Variants in TET2 observed in about 807,000 individuals in gnomAD.
TET2 encodes the protein tet methylcytosine dioxygenase 2.
In TET2, 299 loss-of-function variants were observed where a neutral mutation model predicts 142.9. The ratio of observed to expected loss-of-function variants is 2.09; its 90% CI spans 1.90 to 2.30. The LOEUF (loss-of-function observed/expected upper bound fraction) is 2.30. TET2 is among the 30% of genes most tolerant of loss of function. The probability of loss-of-function intolerance (pLI) is 0.00; values close to 1 mark genes in which losing one functional copy is unlikely to be tolerated. For missense variants in TET2, 2,418 were observed against 2,378.0 expected (o/e 1.02, Z -0.35); for synonymous variants, 819 against 849.0 (o/e 0.96, Z 0.61).
At chr4:105,248,291 C>G (rs1183137146) in intron 6 of TET2, among the ~76,000 whole-genome samples, 1 of 152,104 alleles carries the variant, frequency 6.6e-6, no homozygotes, top group Non-Finnish European at 1.5e-5. Context: ...TGACAGTTTT[C>G]TCTCACTTGA....
chr4:105,234,770 C>T lies in TET2; in HGVS notation c.828C>T (p.Ser276=), dbSNP rs746851035. The change falls in exon 3 of 11, where the codon TCC becomes TCT. Residue 276 remains serine, a synonymous_variant. Transcript: ENST00000380013. ...HPSHTSGQIN[S]AQTSNSELPP... is the part of the protein sequence containing the mutation. ...CGCATACCTCAGGGCAGATCAATTCCGCACAGACCTCTAACTCTGAGCTGC... is the reference window on the plus strand; with the variant it reads ...CGCATACCTCAGGGCAGATCAATTCTGCACAGACCTCTAACTCTGAGCTGC... 1.7e-5 allele frequency: 27 copies of T among 1,613,702 alleles called. No individual in the cohort carries two copies. The East Asian group carries it at 1.8e-4, about 11-fold the overall frequency.
At chr4:105,156,399 T>A (rs1260229797) in intron 1 of TET2, among the ~76,000 whole-genome samples, 2 of 152,230 alleles carry the variant, frequency 1.3e-5, no homozygotes, top group African/African-American at 4.8e-5. Flanking sequence ...TTGATATTTT[T>A]AATTTGCTAC....
At chr4:105,241,770 A>G (rs1729316461) in intron 4 of TET2, 20 of 1,253,092 alleles carry the variant, frequency 1.6e-5, no homozygotes, top group Non-Finnish European at 2.0e-5. Context: ...ACCTGATAAT[A>G]AAGTGTCAAA....
chr4:105,221,399 C>A (rs1338772025), intron 2 of TET2, among the ~76,000 whole-genome samples: 1 of 152,090 alleles, frequency 6.6e-6, no homozygotes, highest in Non-Finnish European at 1.5e-5. Flanking sequence ...GTTAATCTGC[C>A]TCTCATCTTC....
intron 2 of TET2, among the ~76,000 whole-genome samples, chr4:105,198,213 A>C (rs983816968): frequency 1.3e-5 from 2 of 152,100 alleles, no homozygotes; most frequent in East Asian, 3.9e-4. Context: ...GTGCATGCCT[A>C]TAATACCAGC....
At position 105,234,501 on chromosome 4, in the gene TET2, G is replaced by A; in HGVS notation, c.559G>A (p.Gly187Arg). The change falls in exon 3 of 11, where the codon GGG becomes AGG. Residue 187 changes from glycine to arginine, a missense_variant. Coordinates refer to ENST00000380013, the MANE Select transcript of TET2 (RefSeq NM_001127208.3). ...GCTTCAGATTCTGAATGAGCAGGAG[G>A]GGAAAAGTGCTAATTACCATGACAA... The part of the protein sequence containing the change: ...PELQILNEQE[G>R]KSANYHDKNI... 6.2e-7 allele frequency: 1 copy of A among 1,614,030 alleles called. No individual in the cohort carries two copies. The highest frequency in any genetic ancestry group is 1.1e-5 in the South Asian group (1 of 91,070).
chr4:105,229,866 T>C (rs911150109), intron 2 of TET2, among the ~76,000 whole-genome samples: 2 of 152,062 alleles, frequency 1.3e-5, no homozygotes, highest in African/African-American at 2.4e-5. Context: ...TGGGAGATAC[T>C]TCCATCTGAA....
chr4:105,168,581 A>T (rs10028244), intron 1 of TET2, among the ~76,000 whole-genome samples: 29,990 of 151,360 alleles, frequency 0.2, 3,772 homozygotes, highest in African/African-American at 0.35. Flanking sequence ...CTTTTTTTTT[A>T]AAATTTTATT....
intron 3 of TET2, chr4:105,237,587 T>C (rs1729032077): frequency 6.8e-7 from 1 of 1,472,988 alleles, no homozygotes; most frequent in Non-Finnish European, 9.0e-7. Context: ...GCATGTTTAT[T>C]TTTCCCTCTC....
At chr4:105,228,567 T>C (rs1170894867) in intron 2 of TET2, among the ~76,000 whole-genome samples, 1 of 152,102 alleles carries the variant, frequency 6.6e-6, no homozygotes. Context: ...GCTTAAAATA[T>C]TTTATACCTT....
At chr4:105,233,002 T>C (rs886979761) in intron 2 of TET2, among the ~76,000 whole-genome samples, 1 of 152,110 alleles carries the variant, frequency 6.6e-6, no homozygotes, top group African/African-American at 2.4e-5. Context: ...CAGATTTGCA[T>C]TTTACAATCT....
At chr4:105,195,510 C>A (rs1042118914) in intron 2 of TET2, among the ~76,000 whole-genome samples, 2 of 152,096 alleles carry the variant, frequency 1.3e-5, no homozygotes, top group African/African-American at 4.8e-5. Flanking sequence ...ATATCAAAAT[C>A]TGTGGATCCT....
rs1292444639 is a variant in TET2 at position 105,234,491 on chromosome 4, T to A, written c.549T>A (p.Asn183Lys). The stretch of plus-strand genomic sequence containing the variant: ...AAAATCCAGAGCTTCAGATTCTGAA[T>A]GAGCAGGAGGGGAAAAGTGCTAATT... ...GPENPELQIL[N>K]EQEGKSANYH... The change falls in exon 3 of 11, where the codon AAT becomes AAA. Residue 183 changes from asparagine to lysine, a missense_variant. Physicochemically the swap from Asn to Lys is moderately conservative, Grantham distance 94 (BLOSUM62 0). Transcript: ENST00000380013. 1.2e-6 allele frequency: 2 copies of A among 1,613,966 alleles called. No individual in the cohort carries two copies. Among genetic ancestry groups the A allele is most frequent in the East Asian group, 4.5e-5 (2 of 44,854 alleles).
chr4:105,187,710 T>G (rs1378243191), intron 1 of TET2, among the ~76,000 whole-genome samples: 1 of 152,234 alleles, frequency 6.6e-6, no homozygotes, highest in Non-Finnish European at 1.5e-5. Context: ...TTTATTTCAT[T>G]TATTCTGCCA....
At position 105,235,840 on chromosome 4, in the gene TET2, T is replaced by G; in HGVS notation, c.1898T>G (p.Met633Arg). 6.2e-7 allele frequency: 1 copy of G among 1,613,946 alleles called. No homozygotes were observed. Among genetic ancestry groups the G allele is most frequent in the Non-Finnish European group, 8.5e-7 (1 of 1,179,960 alleles). Reference sequence around the variant, plus strand: ...ACACAGCTGGAGCACAAGTCACAAATGTACCAAGTTGAAATGAATCAAGGG... The same window carrying G: ...ACACAGCTGGAGCACAAGTCACAAAGGTACCAAGTTGAAATGAATCAAGGG... ...KTTQLEHKSQ[M>R]YQVEMNQGQS... Residue 633 changes from methionine to arginine, a missense_variant, in exon 3 of 11, where the codon ATG becomes AGG. Met to Arg is a moderately conservative substitution (Grantham distance 91). Transcript: ENST00000380013.
chr4:105,201,243 A>C (rs140440238), intron 2 of TET2, among the ~76,000 whole-genome samples: 1 of 152,282 alleles, frequency 6.6e-6, no homozygotes, highest in East Asian at 1.9e-4. Flanking sequence ...TTAACCTATT[A>C]AACAAAATTA....
intron 1 of TET2, chr4:105,147,773 C>T (rs989081379): frequency 2.6e-5 from 4 of 151,906 alleles, no homozygotes; most frequent in African/African-American, 7.3e-5. Context: ...TTGTGCTTCT[C>T]CCGAATCAGC....
rs1016954525 is a variant in TET2 at position 105,277,907 on chromosome 4, C to T, written c.*1388C>T. 24 of 217,816 alleles carry T rather than the reference C, an allele frequency of 1.1e-4. No homozygotes were observed. Among genetic ancestry groups the T allele is most frequent in the African/African-American group, 4.7e-4 (21 of 44,378 alleles). 13.5% of individuals were successfully genotyped at this position (217,816 alleles called of 1,614,324 possible). ...GTGTTGATAATTATGTACATTGTGA[C>T]GTTGTCATTTCTTAGCTTAAGTGTC... On this transcript the variant is annotated 3_prime_UTR_variant, in exon 11 of 11. Coordinates refer to ENST00000380013, the MANE Select transcript of TET2 (RefSeq NM_001127208.3).
intron 8 of TET2, among the ~76,000 whole-genome samples, chr4:105,262,811 G>T (rs1025186600): frequency 3.3e-5 from 5 of 151,748 alleles, no homozygotes; most frequent in African/African-American, 1.2e-4. Context: ...AACCTGGGAG[G>T]TGGAGGTTGC....
Sources: allele counts gnomAD v4.1 joint callset (sites outside exome capture counted in the v4.1 genomes callset), GRCh38; gene constraint gnomAD v4.1.1; transcripts MANE v1.5; gene names NCBI Gene and HGNC (gene_info 2026-07-23, HGNC 2026-07-21).